Variants in CACNA2D1 observed in about 807,000 individuals in gnomAD.
The protein encoded by CACNA2D1 is calcium voltage-gated channel auxiliary subunit alpha2delta 1.
In CACNA2D1, 53 loss-of-function variants were observed where a neutral mutation model predicts 171.5. That is an observed-to-expected ratio of 0.31 (90% CI 0.25 to 0.39). The LOEUF (loss-of-function observed/expected upper bound fraction) is 0.39, where lower values mean the gene tolerates loss of function less well. CACNA2D1 is among the 10% of genes least tolerant of loss of function. The pLI is 1.00. For synonymous variants in CACNA2D1, 442 were observed against 443.1 expected, an observed-to-expected ratio of 1.00 and a Z score of 0.03; for missense variants, 903 against 1,299.8, an observed-to-expected ratio of 0.69 and a Z score of 4.69.
rs118013407 is a variant in CACNA2D1 at position 82,337,985 on chromosome 7, A to C, written c.178-2734T>G. ...AAGTTTCTCTGTGATGACAACCTAG[A>C]TTATGGTTTGTGAGATAGCCAAAAA... On this transcript the variant is annotated intron_variant, in intron 2 of 38. Coordinates refer to ENST00000356860, the MANE Select transcript of CACNA2D1 (RefSeq NM_000722.4). Among the ~76,000 whole-genome samples the C allele has an allele frequency of 5.1e-3, 772 of 152,248 alleles. 17 individuals carry two copies. The East Asian group carries it at 0.08, about 16-fold the overall frequency.
At position 82,314,668 on chromosome 7, in the gene CACNA2D1, T is replaced by C. The variant is rs1814880613; in HGVS notation, c.294+20467A>G. On this transcript the variant is annotated intron_variant, in intron 3 of 38. Coordinates refer to ENST00000356860, the MANE Select transcript of CACNA2D1 (RefSeq NM_000722.4). Reference sequence around the variant, plus strand: ...CTTATTTAATTTACATTGTTCATATTTGGATAAAAAATATTTACCAATTTT... The same window carrying C: ...CTTATTTAATTTACATTGTTCATATCTGGATAAAAAATATTTACCAATTTT... Among the ~76,000 whole-genome samples, 7 of 152,272 alleles carry C rather than the reference T, an allele frequency of 4.6e-5. No individual in the cohort carries two copies. In the South Asian group the frequency reaches 1.2e-3, roughly 27 times the overall value.
At chr7:82,399,581 A>C (rs935957218) in intron 1 of CACNA2D1, among the ~76,000 whole-genome samples, 2 of 152,088 alleles carry the variant, frequency 1.3e-5, no homozygotes, top group African/African-American at 2.4e-5. Context: ...CCCATTTATA[A>C]ACAAGCAGAC....
chr7:82,010,929 C>A (rs540898179), intron 15 of CACNA2D1, among the ~76,000 whole-genome samples: 1 of 152,172 alleles, frequency 6.6e-6, no homozygotes, highest in South Asian at 2.1e-4. Context: ...TATTTTGATT[C>A]TCTCCAAATA....
At chr7:82,344,641 T>C (rs1323537917) in intron 2 of CACNA2D1, among the ~76,000 whole-genome samples, 1 of 152,132 alleles carries the variant, frequency 6.6e-6, no homozygotes, top group African/African-American at 2.4e-5. Context: ...GGGAGGATGA[T>C]GGTGAAGGGA....
At position 82,202,660 on chromosome 7, in the gene CACNA2D1, C is replaced by T. The variant is rs911143454; in HGVS notation, c.295-32051G>A. On this transcript the variant is annotated intron_variant, in intron 3 of 38. Coordinates refer to ENST00000356860, the MANE Select transcript of CACNA2D1 (RefSeq NM_000722.4). ...GGGATGCAGCGGAGGTAAGGGCACT[C>T]CAGGTGCTGGTGGGCACCTGGAGGC... 1.4e-4 allele frequency among the ~76,000 whole-genome samples: 4 copies of T among 27,956 alleles called. No individual in the cohort carries two copies. The South Asian group carries it at 3.5e-3, about 24-fold the overall frequency. 18.3% of individuals were successfully genotyped at this position (27,956 alleles called of 152,430 possible). A position where few individuals can be genotyped will look rare whatever the true frequency, so the allele number is the denominator to read the frequency against.
chr7:81,979,484 C>T (rs892786371), intron 24 of CACNA2D1, among the ~76,000 whole-genome samples: 7 of 152,178 alleles, frequency 4.6e-5, no homozygotes, highest in Non-Finnish European at 8.8e-5. Flanking sequence ...GCTGAGAAAG[C>T]CAACATGCAT....
intron 3 of CACNA2D1, among the ~76,000 whole-genome samples, chr7:82,194,665 T>G (rs1290648254): frequency 6.6e-6 from 1 of 151,996 alleles, no homozygotes; most frequent in East Asian, 1.9e-4. Context: ...AATGAAAAAT[T>G]AATTTTGAAA....
intron 3 of CACNA2D1, among the ~76,000 whole-genome samples, chr7:82,303,509 T>C (rs1467894256): frequency 6.9e-6 from 1 of 145,562 alleles, no homozygotes; most frequent in African/African-American, 2.5e-5. Context: ...AGAATGAAAC[T>C]GGAGGCATCA....
At chr7:81,976,126 C>T (rs1273990768) in intron 24 of CACNA2D1, among the ~76,000 whole-genome samples, 6 of 152,050 alleles carry the variant, frequency 3.9e-5, no homozygotes, top group Non-Finnish European at 8.8e-5. Context: ...TATTAAAAGA[C>T]ATGCACTCAA....
At chr7:82,086,465 G>A (rs1810496776) in intron 6 of CACNA2D1, among the ~76,000 whole-genome samples, 1 of 152,098 alleles carries the variant, frequency 6.6e-6, no homozygotes. Flanking sequence ...TCGTGCATCT[G>A]AGATACTAGA....
intron 1 of CACNA2D1, among the ~76,000 whole-genome samples, chr7:82,416,507 C>G (rs570656407): frequency 2.4e-4 from 37 of 152,242 alleles, no homozygotes; most frequent in African/African-American, 8.4e-4. Flanking sequence ...GGGTCATACT[C>G]CCTCTGAGAG....
chr7:82,225,987 T>C (rs1802315530), intron 3 of CACNA2D1, among the ~76,000 whole-genome samples: 1 of 152,168 alleles, frequency 6.6e-6, no homozygotes, highest in Admixed American at 6.5e-5. Context: ...TTCCAAAATG[T>C]AAAGTCCATG....
At chr7:82,265,052 T>C (rs1398917322) in intron 3 of CACNA2D1, among the ~76,000 whole-genome samples, 1 of 152,168 alleles carries the variant, frequency 6.6e-6, no homozygotes, top group East Asian at 1.9e-4. Flanking sequence ...CAAACCCAGG[T>C]CTTGTAAGTT....
chr7:82,195,464 G>A (rs1159257686), intron 3 of CACNA2D1, among the ~76,000 whole-genome samples: 1 of 151,880 alleles, frequency 6.6e-6, no homozygotes, highest in Non-Finnish European at 1.5e-5. Context: ...TGAAAGATGA[G>A]GGTAGTTAAA....
chr7:82,304,938 G>A (rs550918484), intron 3 of CACNA2D1, among the ~76,000 whole-genome samples: 16 of 152,170 alleles, frequency 1.1e-4, no homozygotes, highest in East Asian at 3.9e-4. Flanking sequence ...TGACTTGATC[G>A]TTACACATTC....
chr7:82,261,166 G>A (rs1257575811), intron 3 of CACNA2D1, among the ~76,000 whole-genome samples: 1 of 152,152 alleles, frequency 6.6e-6, no homozygotes, highest in Non-Finnish European at 1.5e-5. Context: ...TGTTGGCCAG[G>A]CTGGTCTTGA....
intron 20 of CACNA2D1, among the ~76,000 whole-genome samples, chr7:81,991,930 G>A (rs1248434863): frequency 2.0e-5 from 3 of 151,544 alleles, no homozygotes; most frequent in Non-Finnish European, 4.4e-5. Context: ...CGCCTCCCGG[G>A]TTCATGCTAT....
chr7:81,952,769 T>C (rs1792758158), intron 38 of CACNA2D1, among the ~76,000 whole-genome samples: 1 of 152,120 alleles, frequency 6.6e-6, no homozygotes, highest in African/African-American at 2.4e-5. Context: ...CCCAGTCCTA[T>C]GGCTTTAATT....
rs549913019 is a variant in CACNA2D1, at chr7:81,977,276, G to A, written c.1956-2724C>T. On this transcript the variant is annotated intron_variant, in intron 24 of 38. Coordinates refer to ENST00000356860, the MANE Select transcript of CACNA2D1 (RefSeq NM_000722.4). The stretch of plus-strand genomic sequence containing the variant: ...TTAGCATGAAGGGGTGCTGAATTTC[G>A]TCGAAGGCCTTTTCTGCATCAATTG... 1.1e-3 allele frequency among the ~76,000 whole-genome samples: 162 copies of A among 152,102 alleles called. 1 individual carries two copies. The highest frequency in any genetic ancestry group is 6.8e-3 in the Middle Eastern group (2 of 294).
Sources: allele counts gnomAD v4.1 joint callset (sites outside exome capture counted in the v4.1 genomes callset), GRCh38; gene constraint gnomAD v4.1.1; transcripts MANE v1.5; gene names NCBI Gene and HGNC (gene_info 2026-07-23, HGNC 2026-07-21).